PRSS3: variants seen among roughly 807,000 people sequenced by gnomAD.
PRSS3 encodes trypsin-3.
A neutral mutation model predicts 20.8 loss-of-function variants in PRSS3; 14 were observed. The observed-to-expected ratio is 0.67, with a 90% CI of 0.44 to 1.05. The LOEUF is 1.05. Among genes scored for constraint, PRSS3 ranks in the 50% least tolerant of loss-of-function variants. The probability of loss-of-function intolerance (pLI) is 0.00; values close to 1 mark genes in which losing one functional copy is unlikely to be tolerated. For synonymous variants in PRSS3, 91 were observed against 117.6 expected, an observed-to-expected ratio of 0.77 and a Z score of 1.46; for missense variants, 237 against 306.4, an observed-to-expected ratio of 0.77 and a Z score of 1.69.
chr9:33,795,220 A>G (rs576776939), upstream of PRSS3, among the ~76,000 whole-genome samples: 1 of 152,200 alleles, frequency 6.6e-6, no homozygotes, highest in African/African-American at 2.4e-5. Context: ...AAGGACTCCT[A>G]GACACCCAGG....
At chr9:33,776,518 T>C (rs1023456099) in intron 1 of PRSS3, among the ~76,000 whole-genome samples, 3 of 152,140 alleles carry the variant, frequency 2.0e-5, no homozygotes, top group African/African-American at 7.2e-5. Context: ...AACAGAGTAC[T>C]GGCATAAAAA....
At chr9:33,786,567 G>C (rs1238197366) in intron 1 of PRSS3, 2 of 766,276 alleles carry the variant, frequency 2.6e-6, no homozygotes, top group South Asian at 2.7e-5. Context: ...AAGCCAAGCA[G>C]GGATATCTGT....
At chr9:33,774,052 AT>A (rs751366673) in intron 1 of PRSS3, among the ~76,000 whole-genome samples, 2 of 152,144 alleles carry the variant, frequency 1.3e-5, no homozygotes, top group African/African-American at 4.8e-5. Flanking sequence ...TTCCTTAAGT[AT>A]TTTTTTATTT....
upstream of PRSS3, among the ~76,000 whole-genome samples, chr9:33,791,374 C>T (rs148897758): frequency 1.3e-5 from 2 of 152,270 alleles, no homozygotes; most frequent in African/African-American, 2.4e-5. Context: ...CTGGCCAAGA[C>T]GATCTTGAGG....
intron 1 of PRSS3, among the ~76,000 whole-genome samples, chr9:33,783,195 CTCTAAGGGGTTAG>C (rs1824251137): frequency 6.6e-6 from 1 of 152,124 alleles, no homozygotes; most frequent in African/African-American, 2.4e-5. Flanking sequence ...CTCTGGTTGC[CTCTAAGGGGTTAG>C]CAGTGAGGAA....
At chr9:33,786,919 G>A in intron 1 of PRSS3, 1 of 604,314 alleles carries the variant, frequency 1.7e-6, no homozygotes. Context: ...GCCCTGTCAA[G>A]GTGGGACAGA....
intron 1 of PRSS3, chr9:33,786,437 G>C (rs1392994875): frequency 1.5e-6 from 1 of 685,890 alleles, no homozygotes; most frequent in African/African-American, 1.8e-5. Context: ...GGGGTCCTTT[G>C]GGAGCTGAGG....
At chr9:33,783,774 C>T (rs1824271946) in intron 1 of PRSS3, among the ~76,000 whole-genome samples, 1 of 151,740 alleles carries the variant, frequency 6.6e-6, no homozygotes, top group Middle Eastern at 3.2e-3. Flanking sequence ...CCTGTAGTCC[C>T]AGCTACTTGG....
chr9:33,774,196 G>A (rs1452281736), intron 1 of PRSS3, among the ~76,000 whole-genome samples: 1 of 152,104 alleles, frequency 6.6e-6, no homozygotes, highest in African/African-American at 2.4e-5. Context: ...TTATTACCTT[G>A]TTCCTCCTGT....
intron 1 of PRSS3, among the ~76,000 whole-genome samples, chr9:33,756,900 A>G (rs948015598): frequency 6.6e-6 from 1 of 152,156 alleles, no homozygotes; most frequent in African/African-American, 2.4e-5. Context: ...AGTTTTATAC[A>G]TGTTTAGGGA....
chr9:33,762,969 G>T (rs117658173), intron 1 of PRSS3, among the ~76,000 whole-genome samples: 3,008 of 152,270 alleles, frequency 0.02, 46 homozygotes, highest in Non-Finnish European at 0.027. Context: ...CTCCAAGGTG[G>T]TATTAATGTC....
At chr9:33,785,323 G>A (rs1469269960) in intron 1 of PRSS3, among the ~76,000 whole-genome samples, 4 of 149,532 alleles carry the variant, frequency 2.7e-5, no homozygotes, top group African/African-American at 7.4e-5. Flanking sequence ...GACTACAGGC[G>A]CCCGCCACTA....
intron 1 of PRSS3, among the ~76,000 whole-genome samples, chr9:33,754,270 C>A (rs546513273): frequency 2.0e-5 from 3 of 151,928 alleles, no homozygotes; most frequent in Admixed American, 2.0e-4. Flanking sequence ...CGGGGTTTCA[C>A]CATGTTGGTC....
At chr9:33,760,233 G>A (rs1327578164) in intron 1 of PRSS3, among the ~76,000 whole-genome samples, 1 of 149,536 alleles carries the variant, frequency 6.7e-6, no homozygotes, top group Non-Finnish European at 1.5e-5. Flanking sequence ...TTGAAGTCCA[G>A]AGATGTCCTT....
upstream of PRSS3, among the ~76,000 whole-genome samples, chr9:33,793,883 C>T (rs867422017): frequency 7.9e-5 from 12 of 152,270 alleles, no homozygotes; most frequent in African/African-American, 2.7e-4. Context: ...AAGCAATGTA[C>T]CACTGTTGCT....
chr9:33,785,136 A>G (rs1160329632), intron 1 of PRSS3, among the ~76,000 whole-genome samples: 3 of 149,854 alleles, frequency 2.0e-5, no homozygotes, highest in Admixed American at 6.6e-5. Flanking sequence ...TTGATAATGG[A>G]AAAAGATCAT....
chr9:33,768,339 G>T (rs1295434766), intron 1 of PRSS3, among the ~76,000 whole-genome samples: 3 of 151,558 alleles, frequency 2.0e-5, no homozygotes, highest in Non-Finnish European at 4.4e-5. Flanking sequence ...AATTAGCCAG[G>T]CGTGGTGGCA....
At chr9:33,757,051 T>C (rs951667812) in intron 1 of PRSS3, among the ~76,000 whole-genome samples, 4 of 152,356 alleles carry the variant, frequency 2.6e-5, no homozygotes, top group African/African-American at 9.6e-5. Flanking sequence ...TGTAGAAAGA[T>C]CTCATTTCTA....
At chr9:33,769,370 C>A (rs1292351255) in intron 1 of PRSS3, among the ~76,000 whole-genome samples, 1 of 152,190 alleles carries the variant, frequency 6.6e-6, no homozygotes, top group East Asian at 1.9e-4. Flanking sequence ...ACCAACTCAG[C>A]AAGTCGGGAA....
Sources: gnomAD v4.1 joint callset for allele counts (sites outside exome capture counted in the v4.1 genomes callset) on GRCh38, gnomAD v4.1.1 for gene constraint, MANE v1.5 for transcripts, NCBI Gene and HGNC (gene_info 2026-07-23, HGNC 2026-07-21) for gene names.